The following CDH23 variants were observed in gnomAD, a reference collection of about 807,000 sequenced individuals.
The protein encoded by CDH23 is cadherin-23.
CDH23 carries 189 observed loss-of-function variants against 317.1 expected under a neutral mutation model. That is an observed-to-expected ratio of 0.60 (90% CI 0.53 to 0.67). The LOEUF is 0.67. Ranked by LOEUF, CDH23 falls within the 30% of genes least tolerant of loss-of-function variation. The pLI is 0.00. For missense variants in CDH23, 4,401 were observed against 4,592.4 expected, an observed-to-expected ratio of 0.96 and a Z score of 1.20; for synonymous variants, 1,839 against 1,876.8, an observed-to-expected ratio of 0.98 and a Z score of 0.52.
At chr10:71,496,408 G>A (rs1295926881) in intron 3 of CDH23, among the ~76,000 whole-genome samples, 1 of 152,072 alleles carries the variant, frequency 6.6e-6, no homozygotes, top group Non-Finnish European at 1.5e-5. Context: ...TTGTAGCTGG[G>A]TTCCACATGG....
At chr10:71,663,150 A>G (rs916295275) in intron 14 of CDH23, among the ~76,000 whole-genome samples, 7 of 152,216 alleles carry the variant, frequency 4.6e-5, no homozygotes, top group Admixed American at 4.6e-4. Flanking sequence ...TGGGTCCCAG[A>G]GGTTGGGACA....
chr10:71,608,992 C>T (rs12773205), intron 9 of CDH23, among the ~76,000 whole-genome samples: 10,824 of 152,236 alleles, frequency 0.071, 550 homozygotes, highest in Middle Eastern at 0.11. Flanking sequence ...CACGCACCAT[C>T]GGCCACTCAC....
intron 6 of CDH23, among the ~76,000 whole-genome samples, chr10:71,532,957 C>T (rs560686009): frequency 6.6e-6 from 1 of 152,218 alleles, no homozygotes; most frequent in South Asian, 2.1e-4. Context: ...GTCTGGAACT[C>T]CTGACCTCAA....
chr10:71,713,112 G>C (rs766653381), intron 28 of CDH23: 1 of 773,876 alleles, frequency 1.3e-6, no homozygotes. Context: ...TCAGAGTAGC[G>C]GGGAGAAAGA....
intron 11 of CDH23, among the ~76,000 whole-genome samples, chr10:71,620,936 C>G (rs774913828): frequency 6.6e-6 from 1 of 152,160 alleles, no homozygotes; most frequent in Non-Finnish European, 1.5e-5. Context: ...TGGAGGAATC[C>G]GGAGCTGGCC....
rs1190876104 is a variant in CDH23, at chr10:71,690,590, C to T, written c.2176+6C>T. The stretch of plus-strand genomic sequence containing the variant: ...TCGGATCAATGCCCGCTCAGGTGAG[C>T]CCCCCCACCCCAAGTACCCTGGTCC... On this transcript the variant is annotated splice_donor_region_variant and intron_variant, in intron 20 of 69. Coordinates refer to ENST00000224721, the MANE Select transcript of CDH23 (RefSeq NM_022124.6). 5.8e-6 allele frequency: 9 copies of T among 1,563,638 alleles called. No homozygotes were observed. Among genetic ancestry groups the T allele is most frequent in the East Asian group, 2.3e-5 (1 of 42,884 alleles).
intron 6 of CDH23, among the ~76,000 whole-genome samples, chr10:71,560,563 A>G (rs907703207): frequency 6.6e-6 from 1 of 151,948 alleles, no homozygotes; most frequent in Non-Finnish European, 1.5e-5. Context: ...ACCACTTACA[A>G]TCTGTGCGAC....
At chr10:71,782,217 C>A (rs60663184) in intron 41 of CDH23, among the ~76,000 whole-genome samples, 2 of 152,218 alleles carry the variant, frequency 1.3e-5, no homozygotes, top group African/African-American at 4.8e-5. Context: ...CTCCCGCCAG[C>A]GCCTGCCTTC....
chr10:71,571,627 C>T (rs1463057081), intron 8 of CDH23, among the ~76,000 whole-genome samples: 1 of 152,240 alleles, frequency 6.6e-6, no homozygotes, highest in Non-Finnish European at 1.5e-5. Context: ...CATCTCTAGT[C>T]TCATAACCAT....
chr10:71,433,656 T>C (rs554628924), intron 1 of CDH23, among the ~76,000 whole-genome samples: 64 of 151,872 alleles, frequency 4.2e-4, no homozygotes, highest in Middle Eastern at 6.8e-3. Flanking sequence ...CTTCCGATCT[T>C]GTCCCTCAGC....
chr10:71,734,144 C>T (rs1445191218), intron 32 of CDH23, 96 bp from the exon 33 acceptor site: 3 of 982,556 alleles, frequency 3.1e-6, no homozygotes, highest in East Asian at 2.6e-5. Context: ...TTATGCCGGA[C>T]AGAGGAAGTG....
chr10:71,601,804 G>A (rs1423762296), intron 9 of CDH23, among the ~76,000 whole-genome samples: 1 of 152,226 alleles, frequency 6.6e-6, no homozygotes, highest in Admixed American at 6.5e-5. Flanking sequence ...AAAAACCACT[G>A]CCATGGAAAA....
chr10:71,807,893 G>A lies in CDH23; in HGVS notation c.8608G>A (p.Ala2870Thr). The A allele has an allele frequency of 1.9e-6, 3 of 1,603,744 alleles. No homozygotes were observed. The highest frequency in any genetic ancestry group is 2.6e-6 in the Non-Finnish European group (3 of 1,175,164). ...KVGSELIQVL[A>T]LDADIGNNSL... The stretch of plus-strand genomic sequence containing the variant: ...GGGCTCAGAGTTGATCCAGGTGCTG[G>A]CCCTGGATGCAGACATTGGCAACAA... The change falls in exon 60 of 70, where the codon GCC (alanine) becomes ACC (threonine). Residue 2870 changes from alanine (A) to threonine (T), a missense_variant. Ala to Thr is a moderately conservative substitution (Grantham distance 58, BLOSUM62 0). Transcript: ENST00000224721.
intron 14 of CDH23, among the ~76,000 whole-genome samples, chr10:71,662,025 G>A (rs1298835201): frequency 6.6e-6 from 1 of 150,992 alleles, no homozygotes; most frequent in Non-Finnish European, 1.5e-5. Flanking sequence ...GTGAGTGAGG[G>A]GCTGGGCCCG....
chr10:71,593,235 G>A (rs1225284395), intron 9 of CDH23, among the ~76,000 whole-genome samples: 1 of 152,200 alleles, frequency 6.6e-6, no homozygotes, highest in Non-Finnish European at 1.5e-5. Context: ...AGGAAAGGAT[G>A]ACTTGTTTAG....
rs1407734929 is a variant in CDH23, at chr10:71,514,316, C to T, written c.429+3104C>T. On this transcript the variant is annotated intron_variant, in intron 6 of 69. Coordinates refer to ENST00000224721, the MANE Select transcript of CDH23 (RefSeq NM_022124.6). The stretch of plus-strand genomic sequence containing the variant: ...AGGAAGCTGCATTTTTTACAAACTC[C>T]TCTGGTAATGGTGAGAACAGCCAGG... Among the ~76,000 whole-genome samples the T allele has an allele frequency of 2.6e-5, 4 of 152,188 alleles. No homozygotes were observed. The East Asian group carries it at 5.8e-4, about 22-fold the overall frequency.
At chr10:71,721,159 G>A (rs1160078390) in intron 28 of CDH23, among the ~76,000 whole-genome samples, 1 of 152,220 alleles carries the variant, frequency 6.6e-6, no homozygotes, top group African/African-American at 2.4e-5. Flanking sequence ...ACCATGGATA[G>A]GCATGCAAGG....
In CDH23 at chr10:71,646,475, G is replaced by A. The variant is rs111033369; in HGVS notation, c.1307G>A (p.Ser436Asn). The A allele has an allele frequency of 3.2e-3, 5,234 of 1,613,778 alleles. 6 individuals are homozygous for A. Among genetic ancestry groups the A allele is most frequent in the Non-Finnish European group, 4.1e-3 (4,795 of 1,179,836 alleles). The change falls in exon 14 of 70, where the codon AGT becomes AAT. Residue 436 changes from serine (S) to asparagine (N), a missense_variant. Physicochemically the swap from Ser to Asn is conservative, Grantham distance 46 (BLOSUM62 1). Around this residue, in one of 3 missense-constraint regions of CDH23, gnomAD observed 3,068 missense variants for 3,203.3 expected, o/e 0.96. Coordinates refer to ENST00000224721, the MANE Select transcript of CDH23 (RefSeq NM_022124.6). ...RYDFDLFANE[S>N]VPDHVGYAKV... ...CACCCCCAGCTCTTTGCCAATGAGAGTGTGCCTGACCATGTGGGCTATGCC... is the reference window on the plus strand; with the variant it reads ...CACCCCCAGCTCTTTGCCAATGAGAATGTGCCTGACCATGTGGGCTATGCC...
intron 1 of CDH23, among the ~76,000 whole-genome samples, chr10:71,398,041 C>T (rs559572565): frequency 6.6e-6 from 1 of 152,338 alleles, no homozygotes; most frequent in Non-Finnish European, 1.5e-5. Flanking sequence ...TCATCTCCAC[C>T]GTAGGTCAGC....
Sources: allele counts gnomAD v4.1 joint callset (sites outside exome capture counted in the v4.1 genomes callset), GRCh38; gene constraint gnomAD v4.1.1; regional missense constraint gnomAD v4.1.1; transcripts MANE v1.5; gene names NCBI Gene and HGNC (gene_info 2026-07-23, HGNC 2026-07-21).